The following KCNMB2 variants were observed in gnomAD, a reference collection of about 807,000 sequenced individuals.
KCNMB2 encodes the protein calcium-activated potassium channel subunit beta-2.
In KCNMB2, 9 loss-of-function variants were observed where a neutral mutation model predicts 24.5. That is an observed-to-expected ratio of 0.37 (90% CI 0.22 to 0.64). The LOEUF (loss-of-function observed/expected upper bound fraction) is 0.64, where lower values mean the gene tolerates loss of function less well. KCNMB2 is among the 30% of genes least tolerant of loss of function. The probability of loss-of-function intolerance (pLI) is 0.63; values close to 1 mark genes in which losing one functional copy is unlikely to be tolerated. For synonymous variants in KCNMB2, 109 were observed against 104.4 expected, an observed-to-expected ratio of 1.04 and a Z score of -0.27; for missense variants, 226 against 284.3, an observed-to-expected ratio of 0.79 and a Z score of 1.47.
intron 1 of KCNMB2, among the ~76,000 whole-genome samples, chr3:178,740,472 C>T (rs1436308952): frequency 6.6e-6 from 1 of 152,118 alleles, no homozygotes; most frequent in Non-Finnish European, 1.5e-5. Context: ...TTTTCTTTAT[C>T]TACCCATGAT....
intron 1 of KCNMB2, among the ~76,000 whole-genome samples, chr3:178,663,346 TAA>T (rs1192362014): frequency 6.6e-6 from 1 of 152,114 alleles, no homozygotes; most frequent in African/African-American, 2.4e-5. Flanking sequence ...ACCCAGAATA[TAA>T]AAGTGTTCCA....
chr3:178,736,545 C>T (rs140160436), intron 1 of KCNMB2, among the ~76,000 whole-genome samples: 8 of 152,284 alleles, frequency 5.3e-5, no homozygotes, highest in African/African-American at 1.9e-4. Flanking sequence ...GCCAGGGGCA[C>T]ATTCACCTCT....
rs1454482083 is a variant in KCNMB2 at position 178,825,668 on chromosome 3, G to C, written c.137G>C (p.Arg46Pro). Residue 46 changes from arginine (R) to proline (P), a missense_variant, in exon 3 of 5, where the codon CGA (arginine) becomes CCA (proline). Coordinates refer to ENST00000452583, the MANE Select transcript of KCNMB2 (RefSeq NM_181361.3). ...ACAGCACTGAAGGCAGGAGAGGACCGAGCTATTCTCCTGGGACTGGCTATG... is the reference window on the plus strand; with the variant it reads ...ACAGCACTGAAGGCAGGAGAGGACCCAGCTATTCTCCTGGGACTGGCTATG... Reference protein sequence around the residue: ...TVTALKAGEDRAILLGLAMMV... With the variant: ...TVTALKAGEDPAILLGLAMMV... The C allele has an allele frequency of 1.9e-6, 3 of 1,613,206 alleles. No homozygotes were observed. Among genetic ancestry groups the C allele is most frequent in the African/African-American group, 1.3e-5 (1 of 74,866 alleles).
At chr3:178,841,888 G>A (rs890462467) in intron 4 of KCNMB2, among the ~76,000 whole-genome samples, 1 of 152,196 alleles carries the variant, frequency 6.6e-6, no homozygotes, top group African/African-American at 2.4e-5. Flanking sequence ...AAAGAAAAGA[G>A]AGGTGAAAAG....
chr3:178,784,623 A>G (rs1420857512), intron 1 of KCNMB2, among the ~76,000 whole-genome samples: 2 of 152,066 alleles, frequency 1.3e-5, no homozygotes, highest in African/African-American at 4.8e-5. Flanking sequence ...ACTTCTCAAG[A>G]GTCTTTCACC....
chr3:178,805,821 A>G (rs995655557), intron 1 of KCNMB2, among the ~76,000 whole-genome samples: 3 of 151,986 alleles, frequency 2.0e-5, no homozygotes, highest in African/African-American at 7.2e-5. Flanking sequence ...AATTTTATGT[A>G]GAGACGGGAT....
At chr3:178,671,384 C>T (rs1720892801) in intron 1 of KCNMB2, among the ~76,000 whole-genome samples, 2 of 152,128 alleles carry the variant, frequency 1.3e-5, no homozygotes, top group African/African-American at 4.8e-5. Context: ...AACCTTGTGG[C>T]ATTTGGAACT....
chr3:178,612,682 T>A (rs2108517681), intron 1 of KCNMB2, among the ~76,000 whole-genome samples: 1 of 152,294 alleles, frequency 6.6e-6, no homozygotes, highest in Admixed American at 6.5e-5. Flanking sequence ...TGTTTTTTCA[T>A]CTGTTCAGCC....
intron 2 of KCNMB2, among the ~76,000 whole-genome samples, chr3:178,815,180 A>G (rs1714357860): frequency 6.6e-6 from 1 of 152,072 alleles, no homozygotes; most frequent in Admixed American, 6.6e-5. Context: ...GCTCTGTCAC[A>G]CTGGCTGGAG....
chr3:178,716,934 A>T (rs1415650357), intron 1 of KCNMB2, among the ~76,000 whole-genome samples: 4 of 151,230 alleles, frequency 2.6e-5, no homozygotes, highest in Non-Finnish European at 5.9e-5. Flanking sequence ...AGGTCATAGT[A>T]GAGTCAGTCT....
At chr3:178,813,199 A>G (rs1714264112) in intron 2 of KCNMB2, among the ~76,000 whole-genome samples, 1 of 152,118 alleles carries the variant, frequency 6.6e-6, no homozygotes, top group Non-Finnish European at 1.5e-5. Flanking sequence ...CCTAAGTACT[A>G]CCTTTGTATT....
chr3:178,752,575 T>C (rs1222693754), intron 1 of KCNMB2, among the ~76,000 whole-genome samples: 1 of 152,184 alleles, frequency 6.6e-6, no homozygotes, highest in Non-Finnish European at 1.5e-5. Context: ...CAGATGTGCA[T>C]TTCATAAATG....
intron 1 of KCNMB2, among the ~76,000 whole-genome samples, chr3:178,647,931 C>A (rs1326419287): frequency 2.0e-5 from 3 of 152,028 alleles, no homozygotes; most frequent in Non-Finnish European, 2.9e-5. Flanking sequence ...ATGAGAATAT[C>A]AGTAATGTTT....
At chr3:178,578,878 T>G (rs541575071) in intron 1 of KCNMB2, among the ~76,000 whole-genome samples, 19 of 152,148 alleles carry the variant, frequency 1.2e-4, no homozygotes, top group Non-Finnish European at 2.1e-4. Flanking sequence ...ATAAAGCAAG[T>G]TCTTAGAGAC....
At chr3:178,589,448 TG>T (rs1417349077) in intron 1 of KCNMB2, among the ~76,000 whole-genome samples, 1 of 152,044 alleles carries the variant, frequency 6.6e-6, no homozygotes, top group African/African-American at 2.4e-5. Flanking sequence ...GTTTTTTCCT[TG>T]GGGGGAGGGG....
At chr3:178,538,370 T>A (rs997562394) in intron 1 of KCNMB2, among the ~76,000 whole-genome samples, 1 of 152,238 alleles carries the variant, frequency 6.6e-6, no homozygotes, top group African/African-American at 2.4e-5. Flanking sequence ...TCCAGCCAAC[T>A]GACCAGTCAA....
At chr3:178,740,948 C>T (rs961328983) in intron 1 of KCNMB2, among the ~76,000 whole-genome samples, 1 of 152,074 alleles carries the variant, frequency 6.6e-6, no homozygotes, top group Admixed American at 6.6e-5. Context: ...ATCATCAATT[C>T]TTCACAAGTG....
intron 4 of KCNMB2, among the ~76,000 whole-genome samples, chr3:178,834,914 G>A (rs1022552222): frequency 5.3e-5 from 8 of 151,918 alleles, no homozygotes; most frequent in Non-Finnish European, 7.4e-5. Context: ...GAAGAAAAGC[G>A]GGGGAAGGAA....
At chr3:178,706,815 A>G (rs1017133878) in intron 1 of KCNMB2, among the ~76,000 whole-genome samples, 1 of 152,110 alleles carries the variant, frequency 6.6e-6, no homozygotes, top group South Asian at 2.1e-4. Context: ...CTCCTCTACC[A>G]AAGAAGCTTT....
Sources: gnomAD v4.1 joint callset for allele counts (sites outside exome capture counted in the v4.1 genomes callset) on GRCh38, gnomAD v4.1.1 for gene constraint, MANE v1.5 for transcripts, NCBI Gene and HGNC (gene_info 2026-07-23, HGNC 2026-07-21) for gene names.